The following SLC24A2 variants were observed in gnomAD, a reference collection of about 807,000 sequenced individuals.
SLC24A2 encodes the protein sodium/potassium/calcium exchanger 2.
In SLC24A2, 36 loss-of-function variants were observed where a neutral mutation model predicts 62.0. That is an observed-to-expected ratio of 0.58 (90% CI 0.44 to 0.77). The LOEUF is 0.77. SLC24A2 is among the 30% of genes least tolerant of loss of function. The pLI, the probability that SLC24A2 is intolerant of heterozygous loss-of-function variation, is 0.00. For missense variants in SLC24A2, 846 were observed against 817.9 expected (o/e 1.03, Z -0.42); for synonymous variants, 358 against 294.0 (o/e 1.22, Z -2.23).
At chr9:20,174,000 G>T in the SLC24A2 span, among the ~76,000 whole-genome samples, 6 of 151,908 alleles carry the variant, frequency 3.9e-5, no homozygotes, top group African/African-American at 1.4e-4. Context: ...ATAAAAGTAG[G>T]CACATAGACC....
rs560152535 is a variant in SLC24A2 at position 19,756,506 on chromosome 9, C to T, written c.930+29431G>A. Among the ~76,000 whole-genome samples, 3 of 152,312 alleles carry T rather than the reference C, an allele frequency of 2.0e-5. No homozygotes were observed. In the South Asian group the frequency reaches 6.2e-4, roughly 32 times the overall value. ...TTAATTTTCTATTGCTGCTCTAACA[C>T]ATTACCACAAAATTTGATGCTGACA... On this transcript the variant is annotated intron_variant, in intron 2 of 10. Coordinates refer to ENST00000341998, the MANE Select transcript of SLC24A2 (RefSeq NM_020344.4).
At chr9:19,865,144 A>G in the SLC24A2 span, among the ~76,000 whole-genome samples, 5 of 152,234 alleles carry the variant, frequency 3.3e-5, no homozygotes, top group Admixed American at 2.6e-4. Flanking sequence ...AAAAATCTCT[A>G]TAATGAAAAC....
chr9:20,049,257 C>A, the SLC24A2 span, among the ~76,000 whole-genome samples: 2 of 152,152 alleles, frequency 1.3e-5, no homozygotes, highest in African/African-American at 4.8e-5. Context: ...ACCATCACAT[C>A]GATCCATCAA....
chr9:19,954,373 G>A, the SLC24A2 span, among the ~76,000 whole-genome samples: 1 of 152,022 alleles, frequency 6.6e-6, no homozygotes, highest in Non-Finnish European at 1.5e-5. Context: ...TAAGGAGGAA[G>A]TAAGACAATG....
the SLC24A2 span, among the ~76,000 whole-genome samples, chr9:20,072,704 G>C: frequency 6.6e-6 from 1 of 151,944 alleles, no homozygotes; most frequent in African/African-American, 2.4e-5. Flanking sequence ...AGTCAGAGGA[G>C]AGGGTAATGT....
the SLC24A2 span, among the ~76,000 whole-genome samples, chr9:19,881,043 CTT>C: frequency 6.6e-6 from 1 of 152,102 alleles, no homozygotes; most frequent in Non-Finnish European, 1.5e-5. Context: ...TAGAAACAAT[CTT>C]AGTGCTGTTG....
chr9:19,653,691 T>A (rs1818863352), intron 2 of SLC24A2, among the ~76,000 whole-genome samples: 1 of 152,186 alleles, frequency 6.6e-6, no homozygotes, highest in Non-Finnish European at 1.5e-5. Flanking sequence ...TTGTCATTCA[T>A]CTATCATCTT....
At chr9:19,899,298 A>T in the SLC24A2 span, among the ~76,000 whole-genome samples, 6 of 152,308 alleles carry the variant, frequency 3.9e-5, no homozygotes, top group African/African-American at 7.2e-5. Context: ...GCTGCCTTTT[A>T]GAAAATGAGC....
At chr9:20,269,131 G>A in the SLC24A2 span, among the ~76,000 whole-genome samples, 2 of 152,090 alleles carry the variant, frequency 1.3e-5, no homozygotes, top group African/African-American at 2.4e-5. Context: ...CCTGAAGCAC[G>A]AATTTTTATG....
chr9:20,209,851 A>G, the SLC24A2 span, among the ~76,000 whole-genome samples: 1 of 152,210 alleles, frequency 6.6e-6, no homozygotes, highest in South Asian at 2.1e-4. Flanking sequence ...AATAAGAAAG[A>G]CTTTCAAAAG....
At chr9:20,186,602 C>T in the SLC24A2 span, among the ~76,000 whole-genome samples, 2 of 152,136 alleles carry the variant, frequency 1.3e-5, no homozygotes. Context: ...TATGGTTAAG[C>T]ATTCCCAAGT....
intron 7 of SLC24A2, among the ~76,000 whole-genome samples, chr9:19,555,557 C>T (rs976296572): frequency 1.3e-5 from 2 of 152,010 alleles, no homozygotes; most frequent in Admixed American, 6.6e-5. Flanking sequence ...TAAGTAGCCT[C>T]GAATCTTGTG....
At position 19,560,810 on chromosome 9, in the gene SLC24A2, C is replaced by T. The variant is rs975426201; in HGVS notation, c.1348-10542G>A. Among the ~76,000 whole-genome samples, 6 of 151,648 alleles carry T rather than the reference C, an allele frequency of 4.0e-5. No homozygotes were observed. In the East Asian group the frequency reaches 1.2e-3, roughly 29 times the overall value. ...TTATTTTTAAATTGTCCCTTTTTTC[C>T]ACTCATTCTTTATTGAGCCATAGAA... On this transcript the variant is annotated intron_variant, in intron 7 of 10. Transcript: ENST00000341998.
the SLC24A2 span, among the ~76,000 whole-genome samples, chr9:20,295,742 G>A: frequency 6.6e-6 from 1 of 152,090 alleles, no homozygotes; most frequent in African/African-American, 2.4e-5. Flanking sequence ...TTTTGACCTT[G>A]GACAGAGAGT....
chr9:19,542,181 T>C (rs1834300281), intron 8 of SLC24A2, among the ~76,000 whole-genome samples: 1 of 152,210 alleles, frequency 6.6e-6, no homozygotes, highest in African/African-American at 2.4e-5. Context: ...TCGCTCACGC[T>C]GGGAGCTGTA....
chr9:19,719,612 CA>C (rs1332091849), intron 2 of SLC24A2, among the ~76,000 whole-genome samples: 1 of 152,116 alleles, frequency 6.6e-6, no homozygotes, highest in Non-Finnish European at 1.5e-5. Context: ...AAGAAGGAAC[CA>C]GCCTGGGTTG....
chr9:19,882,269 A>G, the SLC24A2 span, among the ~76,000 whole-genome samples: 1 of 152,172 alleles, frequency 6.6e-6, no homozygotes, highest in African/African-American at 2.4e-5. Context: ...TGCATTTTTA[A>G]GTTGTGACAG....
intron 5 of SLC24A2, among the ~76,000 whole-genome samples, chr9:19,581,898 A>G (rs567318772): frequency 1.3e-5 from 2 of 152,346 alleles, no homozygotes; most frequent in East Asian, 1.9e-4. Context: ...TTTAAAAAAT[A>G]TACTCTCTTG....
At chr9:19,940,448 G>C in the SLC24A2 span, among the ~76,000 whole-genome samples, 2 of 152,252 alleles carry the variant, frequency 1.3e-5, no homozygotes, top group South Asian at 4.1e-4. Context: ...GTGACCTTAG[G>C]TAAATTGTAT....
Sources: gnomAD v4.1 joint callset for allele counts (sites outside exome capture counted in the v4.1 genomes callset) on GRCh38, gnomAD v4.1.1 for gene constraint, MANE v1.5 for transcripts, NCBI Gene and HGNC (gene_info 2026-07-23, HGNC 2026-07-21) for gene names.